Variants in GABPB1 observed in about 807,000 individuals in gnomAD.
GABPB1 encodes GA-binding protein subunit beta-1.
GABPB1 carries 15 observed loss-of-function variants against 45.9 expected under a neutral mutation model. The ratio of observed to expected loss-of-function variants is 0.33; its 90% CI spans 0.22 to 0.50. The LOEUF is 0.50. Ranked by LOEUF, GABPB1 falls within the 20% of genes least tolerant of loss-of-function variation. GABPB1 has a pLI of 0.98. For synonymous variants in GABPB1, 143 were observed against 154.4 expected, an observed-to-expected ratio of 0.93 and a Z score of 0.55; for missense variants, 252 against 457.5, an observed-to-expected ratio of 0.55 and a Z score of 4.10.
chr15:50,349,325 C>A (rs1046915401), intron 1 of GABPB1: 1 of 152,166 alleles, frequency 6.6e-6, no homozygotes, highest in Non-Finnish European at 1.5e-5. Flanking sequence ...GAATGGTGGA[C>A]TGTGATCCTA....
chr15:50,339,546 C>A (rs2048275331), intron 1 of GABPB1, among the ~76,000 whole-genome samples: 1 of 151,506 alleles, frequency 6.6e-6, no homozygotes, highest in South Asian at 2.1e-4. Flanking sequence ...AAATAAAATT[C>A]TTACTTTCCA....
intron 8 of GABPB1, among the ~76,000 whole-genome samples, chr15:50,280,514 G>A (rs2045940118): frequency 6.6e-6 from 1 of 152,162 alleles, no homozygotes; most frequent in Non-Finnish European, 1.5e-5. Flanking sequence ...ACTTTGAGAG[G>A]CCAAGGCAGG....
intron 6 of GABPB1, among the ~76,000 whole-genome samples, chr15:50,299,500 A>C (rs1187082101): frequency 6.6e-6 from 1 of 152,142 alleles, no homozygotes; most frequent in Non-Finnish European, 1.5e-5. Context: ...CCCGGGTTCA[A>C]GCCATTCTCC....
At chr15:50,329,521 T>A (rs2047880445) in intron 1 of GABPB1, among the ~76,000 whole-genome samples, 1 of 152,146 alleles carries the variant, frequency 6.6e-6, no homozygotes, top group African/African-American at 2.4e-5. Context: ...AGGTGGGGGT[T>A]TTTTTGCAGT....
intron 6 of GABPB1, among the ~76,000 whole-genome samples, chr15:50,299,437 T>C (rs2046644974): frequency 6.6e-6 from 1 of 152,234 alleles, no homozygotes; most frequent in South Asian, 2.1e-4. Context: ...TTTGCTCTTG[T>C]TGCCCAGGCT....
At position 50,309,816 on chromosome 15, in the gene GABPB1, G is replaced by T. The variant is rs773101749; in HGVS notation, c.1-18C>A. On this transcript the variant is annotated intron_variant, in intron 1 of 8. Coordinates refer to ENST00000380877, the MANE Select transcript of GABPB1 (RefSeq NM_016654.5). ...AGGGACATCTAAACAAAACATAGAT[G>T]AACTGAACATCAAAATCTCCATTTA... The T allele has an allele frequency of 8.5e-6, 12 of 1,408,690 alleles. No individual in the cohort carries two copies. Among genetic ancestry groups the T allele is most frequent in the Non-Finnish European group, 1.2e-5 (12 of 994,682 alleles). The allele number at this position is 1,408,690 out of a possible 1,614,324, so 87.3% of individuals were successfully genotyped here.
intron 6 of GABPB1, among the ~76,000 whole-genome samples, chr15:50,292,033 A>G (rs1285771500): frequency 6.6e-6 from 1 of 152,038 alleles, no homozygotes; most frequent in East Asian, 1.9e-4. Flanking sequence ...AAAAAATGAC[A>G]AGTTAAGATA....
At chr15:50,315,783 T>C (rs564687382) in intron 1 of GABPB1, among the ~76,000 whole-genome samples, 25 of 152,294 alleles carry the variant, frequency 1.6e-4, no homozygotes, top group African/African-American at 5.8e-4. Flanking sequence ...TATCTATATA[T>C]TAAAATTCTG....
intron 6 of GABPB1, among the ~76,000 whole-genome samples, chr15:50,291,614 C>A (rs1246890351): frequency 6.6e-6 from 1 of 151,836 alleles, no homozygotes; most frequent in Admixed American, 6.6e-5. Flanking sequence ...GCGTAAGCCA[C>A]CACGCCCAGC....
At chr15:50,280,240 C>G (rs1036679931) in intron 8 of GABPB1, among the ~76,000 whole-genome samples, 1 of 152,196 alleles carries the variant, frequency 6.6e-6, no homozygotes, top group African/African-American at 2.4e-5. Context: ...TTCTTCTCCC[C>G]TCCTCTTATC....
At chr15:50,343,753 G>A (rs1024296134) in intron 1 of GABPB1, among the ~76,000 whole-genome samples, 1 of 152,090 alleles carries the variant, frequency 6.6e-6, no homozygotes, top group Non-Finnish European at 1.5e-5. Flanking sequence ...CGGCCAGGAT[G>A]GTCTTGATCT....
At chr15:50,279,539 A>G (rs2045910911) in intron 8 of GABPB1, among the ~76,000 whole-genome samples, 1 of 152,206 alleles carries the variant, frequency 6.6e-6, no homozygotes, top group Admixed American at 6.5e-5. Flanking sequence ...GAGCTGAAAC[A>G]CAAATCCAAT....
At chr15:50,348,969 T>A (rs1172679706) in intron 1 of GABPB1, 2 of 152,164 alleles carry the variant, frequency 1.3e-5, no homozygotes, top group African/African-American at 4.8e-5. Flanking sequence ...GACTTTAATT[T>A]ACCATGCACT....
intron 1 of GABPB1, chr15:50,352,100 C>A (rs2048855335): frequency 6.6e-6 from 1 of 152,146 alleles, no homozygotes; most frequent in Non-Finnish European, 1.5e-5. Flanking sequence ...AGGCTACTTG[C>A]AAACAGAGAC....
chr15:50,346,178 G>T (rs1204347956), intron 1 of GABPB1, among the ~76,000 whole-genome samples: 1 of 152,114 alleles, frequency 6.6e-6, no homozygotes, highest in East Asian at 1.9e-4. Flanking sequence ...AAAAAAATGT[G>T]CAAGCTTGTA....
intron 1 of GABPB1, chr15:50,327,458 A>G (rs2047809332): frequency 1.3e-5 from 2 of 152,200 alleles, no homozygotes; most frequent in Admixed American, 1.3e-4. Context: ...ATTGTATTCA[A>G]TCAAACATTT....
At chr15:50,282,500 G>A (rs1405370810) in intron 8 of GABPB1, 5 of 259,390 alleles carry the variant, frequency 1.9e-5, no homozygotes, top group Non-Finnish European at 3.0e-5. Context: ...GTTGCAGTGA[G>A]CCATGATTGC....
At chr15:50,333,033 T>C in intron 1 of GABPB1, among the ~76,000 whole-genome samples, 1 of 152,208 alleles carries the variant, frequency 6.6e-6, no homozygotes, top group East Asian at 1.9e-4. Context: ...TTAATAAAAA[T>C]TAAGTTTATT....
intron 1 of GABPB1, among the ~76,000 whole-genome samples, chr15:50,335,572 T>A (rs931594279): frequency 6.6e-6 from 1 of 152,202 alleles, no homozygotes; most frequent in African/African-American, 2.4e-5. Context: ...ATGTTCTATA[T>A]ATTTTATCCA....
Sources: allele counts gnomAD v4.1 joint callset (sites outside exome capture counted in the v4.1 genomes callset), GRCh38; gene constraint gnomAD v4.1.1; transcripts MANE v1.5; gene names NCBI Gene and HGNC (gene_info 2026-07-23, HGNC 2026-07-21).